Variants in BHMT observed in about 807,000 individuals in gnomAD.
BHMT encodes the protein betaine--homocysteine S-methyltransferase, also known as betaine--homocysteine S-methyltransferase 1.
A neutral mutation model predicts 49.5 loss-of-function variants in BHMT; 38 were observed. That is an observed-to-expected ratio of 0.77 (90% CI 0.59 to 1.01). The LOEUF is 1.01. Among genes scored for constraint, BHMT ranks in the 50% least tolerant of loss-of-function variants. The probability of loss-of-function intolerance (pLI) is 0.00; values close to 1 mark genes in which losing one functional copy is unlikely to be tolerated. For missense variants in BHMT, 426 were observed against 495.7 expected, an observed-to-expected ratio of 0.86 and a Z score of 1.34; for synonymous variants, 166 against 176.3, an observed-to-expected ratio of 0.94 and a Z score of 0.46.
chr5:79,125,979 G>A (rs1055650736), intron 5 of BHMT, 67 bp from the exon 6 acceptor site: 27 of 1,472,046 alleles, frequency 1.8e-5, no homozygotes, highest in Non-Finnish European at 2.3e-5. Flanking sequence ...TCCTGATGAA[G>A]AGAGGAGAGC....
chr5:79,118,047 A>G (rs1005908213), intron 2 of BHMT, among the ~76,000 whole-genome samples: 3 of 152,220 alleles, frequency 2.0e-5, no homozygotes, highest in African/African-American at 7.2e-5. Flanking sequence ...CCAATCCGTA[A>G]TTTTAATTTG....
At chr5:79,125,677 C>T (rs1251287404) in intron 5 of BHMT, among the ~76,000 whole-genome samples, 1 of 151,968 alleles carries the variant, frequency 6.6e-6, no homozygotes, top group Non-Finnish European at 1.5e-5. Context: ...GTGGCTCATG[C>T]CTGTAATCCC....
At chr5:79,115,941 G>T (rs752276097) in intron 2 of BHMT, 42 bp downstream of exon 2, 1 of 1,558,758 alleles carries the variant, frequency 6.4e-7, no homozygotes, top group East Asian at 2.3e-5. Context: ...AAAGGAGCCG[G>T]GTGTGGAGGC....
At chr5:79,118,607 A>G (rs1033816040) in intron 2 of BHMT, among the ~76,000 whole-genome samples, 9 of 152,268 alleles carry the variant, frequency 5.9e-5, no homozygotes, top group Non-Finnish European at 7.3e-5. Context: ...TATTAATTAC[A>G]TCATCCAGTT....
chr5:79,125,958 A>C, intron 5 of BHMT, 88 bp from the exon 6 acceptor site: 1 of 1,394,968 alleles, frequency 7.2e-7, no homozygotes, highest in South Asian at 1.4e-5. Flanking sequence ...ATGAAAAAAG[A>C]ACTTCCTGAT....
At chr5:79,121,173 T>G in intron 4 of BHMT, 45 bp from the exon 5 acceptor site, 1 of 1,582,234 alleles carries the variant, frequency 6.3e-7, no homozygotes, top group Non-Finnish European at 8.6e-7. Context: ...AAAATTGTTT[T>G]GGGAGAAACG....
intron 7 of BHMT, 95 bp downstream of exon 7, chr5:79,128,078 T>C: frequency 7.0e-7 from 1 of 1,422,472 alleles, no homozygotes; most frequent in Non-Finnish European, 9.5e-7. Context: ...TGTGTGATGA[T>C]GAAGAATCAG....
rs559622966 is a variant in BHMT, at chr5:79,118,294, T to C, written c.167-965T>C. On this transcript the variant is annotated intron_variant, in intron 2 of 7. Transcript: ENST00000274353. Reference sequence around the variant, plus strand: ...CATCCTGGCCAACATGGCGAAACCCTGCCTCTACTAAAAATACAAAAAAAT... The same window carrying C: ...CATCCTGGCCAACATGGCGAAACCCCGCCTCTACTAAAAATACAAAAAAAT... Among the ~76,000 whole-genome samples, 4 of 152,202 alleles carry C rather than the reference T, an allele frequency of 2.6e-5. No individual in the cohort carries two copies. In the South Asian group the frequency reaches 8.3e-4, roughly 32 times the overall value.
rs1756549808 is a variant in BHMT at position 79,126,172 on chromosome 5, A to C, written c.752A>C (p.Tyr251Ser). The C allele has an allele frequency of 6.2e-7, 1 of 1,613,796 alleles. No individual in the cohort carries two copies. Among genetic ancestry groups the C allele is most frequent in the Non-Finnish European group, 8.5e-7 (1 of 1,179,692 alleles). Residue 251 changes from tyrosine to serine, a missense_variant, in exon 6 of 8, where the codon TAC (tyrosine) becomes TCC (serine). Physicochemically the swap from Tyr to Ser is moderately radical, Grantham distance 144. Around this residue, in one of 3 missense-constraint regions of BHMT, gnomAD observed 321 missense variants for 355.9 expected, o/e 0.90. Coordinates refer to ENST00000274353, the MANE Select transcript of BHMT (RefSeq NM_001713.3). ...KAHLMSQPLAYHTPDCNKQGF... is the reference protein window; with the variant it reads ...KAHLMSQPLASHTPDCNKQGF... ...CACCTGATGAGCCAGCCCTTGGCTT[A>C]CCACACTCCTGACTGCAACAAGCAG...
In BHMT at chr5:79,130,961, C is replaced by G; in HGVS notation, c.1066C>G (p.Arg356Gly). The G allele has an allele frequency of 6.2e-7, 1 of 1,612,800 alleles. No homozygotes were observed. The highest frequency in any genetic ancestry group is 8.5e-7 in the Non-Finnish European group (1 of 1,179,490). Residue 356 changes from arginine (R) to glycine (G), a missense_variant, in exon 8 of 8, where the codon CGG becomes GGG. By Grantham distance (125) the Arg-to-Gly change is moderately radical (BLOSUM62 -2). Transcript: ENST00000274353. ...RARKEYWENL[R>G]IASGRPYNPS... is the part of the protein sequence containing the mutation. The stretch of plus-strand genomic sequence containing the variant: ...CAGGAAGGAATACTGGGAGAATCTT[C>G]GGATAGCCTCAGGCCGGCCATACAA...
rs750556541 is a variant in BHMT at position 79,120,553 on chromosome 5, T to G, written c.477+12T>G. 6.2e-7 allele frequency: 1 copy of G among 1,601,530 alleles called. No homozygotes were observed. The highest frequency in any genetic ancestry group is 1.3e-5 in the African/African-American group (1 of 74,392). ...TCTTGATTGCAGAGGTAAAGAAAGA[T>G]GTGGTGAAAGATAAGACAAATACAC... On this transcript the variant is annotated intron_variant, in intron 4 of 7. Coordinates refer to ENST00000274353, the MANE Select transcript of BHMT (RefSeq NM_001713.3).
intron 4 of BHMT, among the ~76,000 whole-genome samples, 170 bp from the exon 5 acceptor site, chr5:79,121,048 G>C (rs142307171): frequency 0.018 from 2,665 of 152,074 alleles, 90 homozygotes; most frequent in African/African-American, 0.06. Flanking sequence ...CTACTTGGGA[G>C]GCGGAGGCAG....
intron 3 of BHMT, chr5:79,120,132 G>A (rs763894853): frequency 4.5e-4 from 194 of 428,580 alleles, no homozygotes; most frequent in Non-Finnish European, 9.7e-5. Context: ...TTGGTACAAT[G>A]TAATGTCATA....
chr5:79,120,745 G>A (rs1756455097), intron 4 of BHMT, among the ~76,000 whole-genome samples: 1 of 152,306 alleles, frequency 6.6e-6, no homozygotes, highest in South Asian at 2.1e-4. Flanking sequence ...CTTTTTGACT[G>A]CAATTTACAG....
intron 1 of BHMT, among the ~76,000 whole-genome samples, chr5:79,112,367 G>C (rs1464740453): frequency 6.6e-6 from 1 of 152,336 alleles, no homozygotes; most frequent in East Asian, 1.9e-4. Flanking sequence ...GCGATATCCC[G>C]TCCCCACGGA....
chr5:79,118,326 G>A (rs1756417834), intron 2 of BHMT, among the ~76,000 whole-genome samples: 2 of 152,108 alleles, frequency 1.3e-5, no homozygotes, highest in African/African-American at 2.4e-5. Flanking sequence ...AAATTACCAG[G>A]CGTGGTGGCA....
chr5:79,131,445 A>AG lies in BHMT; in HGVS notation c.*331dup, dbSNP rs1271020476. 1 of 200,676 alleles carries AG rather than the reference A, an allele frequency of 5.0e-6. No homozygotes were observed. Among genetic ancestry groups the AG allele is most frequent in the Admixed American group, 5.8e-5 (1 of 17,310 alleles). 12.4% of individuals were successfully genotyped at this position (200,676 alleles called of 1,614,324 possible). A position where few individuals can be genotyped will look rare whatever the true frequency, so the allele number is the denominator to read the frequency against. ...TGAAGAAGTTGGTAGGCTAGCAAAG[A>AG]GGATGAGACATGAACTGTCATAAAG... On this transcript the variant is annotated 3_prime_UTR_variant, in exon 8 of 8. Coordinates refer to ENST00000274353, the MANE Select transcript of BHMT (RefSeq NM_001713.3).
At chr5:79,125,985 A>C in intron 5 of BHMT, 61 bp from the exon 6 acceptor site, 21 of 1,487,646 alleles carry the variant, frequency 1.4e-5, no homozygotes, top group Non-Finnish European at 1.9e-5. Flanking sequence ...TGAAGAGAGG[A>C]GAGCTGGCCC....
At chr5:79,112,047 C>A (rs921923324) in intron 1 of BHMT, 129 bp downstream of exon 1, 1 of 1,127,066 alleles carries the variant, frequency 8.9e-7, no homozygotes, top group Non-Finnish European at 1.2e-6. Flanking sequence ...CCTCCCCTCC[C>A]TCAGCCTCAG....
Sources: gnomAD v4.1 joint callset for allele counts (sites outside exome capture counted in the v4.1 genomes callset) on GRCh38, gnomAD v4.1.1 for gene constraint, gnomAD v4.1.1 regional missense constraint, MANE v1.5 for transcripts, NCBI Gene and HGNC (gene_info 2026-07-23, HGNC 2026-07-21) for gene names.